PHKA1: variants seen among roughly 807,000 people sequenced by gnomAD.
PHKA1 encodes the protein phosphorylase b kinase regulatory subunit alpha, skeletal muscle isoform.
In PHKA1, 60 loss-of-function variants were observed where a neutral mutation model predicts 110.2. The ratio of observed to expected loss-of-function variants is 0.54; its 90% CI spans 0.44 to 0.68. The LOEUF (loss-of-function observed/expected upper bound fraction) is 0.68. Ranked by LOEUF, PHKA1 falls within the 30% of genes least tolerant of loss-of-function variation. The pLI is 0.00. For missense variants in PHKA1, 801 were observed against 942.5 expected (o/e 0.85, Z 1.97); for synonymous variants, 316 against 333.6 (o/e 0.95, Z 0.58).
At chrX:72,613,872 C>T (rs1351957018) in intron 21 of PHKA1, among the ~76,000 whole-genome samples, 1 of 111,577 alleles carries the variant, frequency 9.0e-6, no homozygotes, top group African/African-American at 3.3e-5. Flanking sequence ...GACAAAACAA[C>T]ACATAAACTG....
chrX:72,618,917 T>A lies in PHKA1; in HGVS notation c.2230-68A>T, dbSNP rs1362189679. On this transcript the variant is annotated intron_variant, in intron 20 of 31. Coordinates refer to ENST00000373542, the MANE Select transcript of PHKA1 (RefSeq NM_002637.4). ...GCTCAACTTAAATAATGTCCTAGAA[T>A]GAGTCATATTTTCACCTCTAAACCT... The A allele has an allele frequency of 4.0e-6, 4 of 996,798 alleles. No individual in the cohort carries two copies. In the African/African-American group the frequency reaches 7.5e-5, roughly 19 times the overall value. The allele number at this position is 996,798 out of a possible 1,213,427, so 82.1% of individuals were successfully genotyped here.
At chrX:72,682,076 T>G (rs1276148813) in intron 5 of PHKA1, among the ~76,000 whole-genome samples, 3 of 7,351 alleles carry the variant, frequency 4.1e-4, no homozygotes, top group African/African-American at 7.3e-4. Flanking sequence ...GGGAGGGAGG[T>G]GGGGGGGGTC....
chrX:72,676,024 A>G (rs371724764), intron 6 of PHKA1, 46 bp downstream of exon 6: 129 of 948,121 alleles, frequency 1.4e-4, no homozygotes, highest in Non-Finnish European at 1.9e-4. Context: ...AAGGGATACC[A>G]GACTTCCTCA....
intron 23 of PHKA1, 79 bp from the exon 24 acceptor site, chrX:72,605,698 T>A: frequency 1.4e-6 from 1 of 734,712 alleles, no homozygotes; most frequent in Non-Finnish European, 2.1e-6. Flanking sequence ...GAAGAAGCTT[T>A]ATCCAAGTCC....
intron 2 of PHKA1, among the ~76,000 whole-genome samples, chrX:72,709,980 C>T (rs188127838): frequency 2.6e-4 from 26 of 99,096 alleles, no homozygotes; most frequent in African/African-American, 3.8e-4. Context: ...AGATGGAGAT[C>T]GCAGTGAGCC....
At chrX:72,676,426 C>T (rs2053780677) in intron 5 of PHKA1, among the ~76,000 whole-genome samples, 1 of 111,549 alleles carries the variant, frequency 9.0e-6, no homozygotes, top group African/African-American at 3.3e-5. Flanking sequence ...CTCTGTCTAT[C>T]TGGAGAGGTG....
intron 9 of PHKA1, 98 bp downstream of exon 9, chrX:72,657,490 T>C: frequency 4.9e-6 from 3 of 618,330 alleles, no homozygotes; most frequent in Non-Finnish European, 5.5e-6. Flanking sequence ...TAGTGATCTC[T>C]ATAAGTACCA....
chrX:72,628,142 TAAC>T (rs1409668812), intron 16 of PHKA1, among the ~76,000 whole-genome samples: 16 of 111,074 alleles, frequency 1.4e-4, no homozygotes, highest in Admixed American at 4.8e-4. Context: ...CCTACACTTT[TAAC>T]AACAATGGGC....
chrX:72,622,675 A>G, intron 18 of PHKA1: 6 of 743,398 alleles, frequency 8.1e-6, no homozygotes, highest in Non-Finnish European at 9.5e-6. Context: ...AGACCTCCCC[A>G]GAGATTCCGA....
chrX:72,692,103 C>T (rs1217039319), intron 4 of PHKA1, among the ~76,000 whole-genome samples: 1 of 111,980 alleles, frequency 8.9e-6, no homozygotes, highest in Non-Finnish European at 1.9e-5. Flanking sequence ...TCTGTGTCTA[C>T]TGAGACAATA....
At chrX:72,599,824 A>T in intron 28 of PHKA1, 1 of 552,353 alleles carries the variant, frequency 1.8e-6, no homozygotes, top group South Asian at 2.4e-5. Flanking sequence ...ACCATAAAAG[A>T]CGGTGACATC....
In PHKA1 at chrX:72,600,897, T is replaced by C. The variant is rs942336813; in HGVS notation, c.3072+1094A>G. On this transcript the variant is annotated intron_variant, in intron 28 of 31. Coordinates refer to ENST00000373542, the MANE Select transcript of PHKA1 (RefSeq NM_002637.4). Reference sequence around the variant, plus strand: ...CTAAAAACAAAACTCCAAATTTCCATTTCACCACTCCTCTTCTGGGGGTTT... The same window carrying C: ...CTAAAAACAAAACTCCAAATTTCCACTTCACCACTCCTCTTCTGGGGGTTT... Among the ~76,000 whole-genome samples, 8 of 111,542 alleles carry C rather than the reference T, an allele frequency of 7.2e-5. No homozygotes were observed. In the Admixed American group the frequency reaches 7.6e-4, roughly 11 times the overall value.
At chrX:72,713,457 G>A (rs1341990243) in intron 1 of PHKA1, among the ~76,000 whole-genome samples, 1 of 111,144 alleles carries the variant, frequency 9.0e-6, no homozygotes, top group Non-Finnish European at 1.9e-5. Flanking sequence ...TGAAATGTGG[G>A]TATTATTAAA....
At chrX:72,593,024 T>C in intron 29 of PHKA1, 80 bp downstream of exon 29, 1 of 616,895 alleles carries the variant, frequency 1.6e-6, no homozygotes, top group South Asian at 2.2e-5. Context: ...AGTGATTATA[T>C]TAGTCATGTC....
chrX:72,710,814 CTTTATTTTTTA>C (rs2054361056), intron 2 of PHKA1, among the ~76,000 whole-genome samples: 1 of 95,256 alleles, frequency 1.0e-5, no homozygotes, highest in African/African-American at 3.7e-5. Flanking sequence ...CTGTTAAATT[CTTTATTTTTTA>C]TTTTTTATTT....
intron 8 of PHKA1, among the ~76,000 whole-genome samples, chrX:72,661,072 T>C (rs782785888): frequency 8.9e-6 from 1 of 112,470 alleles, no homozygotes; most frequent in South Asian, 3.7e-4. Flanking sequence ...AAACCAATAG[T>C]ATTTTTATTA....
chrX:72,702,571 G>GT (rs1487245568), intron 3 of PHKA1, among the ~76,000 whole-genome samples: 1 of 111,391 alleles, frequency 9.0e-6, no homozygotes, highest in East Asian at 2.8e-4. Context: ...GTTTGTTATT[G>GT]TTTTTTCTCC....
At chrX:72,665,592 C>T (rs202067988) in intron 8 of PHKA1, among the ~76,000 whole-genome samples, 6 of 111,556 alleles carry the variant, frequency 5.4e-5, no homozygotes, top group South Asian at 7.6e-4. Context: ...ACCCATGGGC[C>T]AATATCCCTG....
chrX:72,584,358 A>C, intron 29 of PHKA1, 56 bp from the exon 30 acceptor site: 1 of 1,039,604 alleles, frequency 9.6e-7, no homozygotes, highest in Non-Finnish European at 1.4e-6. Flanking sequence ...AGGATAGACA[A>C]ACAACGGGGA....
Sources: gnomAD v4.1 joint callset for allele counts (sites outside exome capture counted in the v4.1 genomes callset) on GRCh38, gnomAD v4.1.1 for gene constraint, MANE v1.5 for transcripts, NCBI Gene and HGNC (gene_info 2026-07-23, HGNC 2026-07-21) for gene names.